AEBP1: variants seen among roughly 807,000 people sequenced by gnomAD.
The protein encoded by AEBP1 is AE binding protein 1.
In AEBP1, 69 loss-of-function variants were observed where a neutral mutation model predicts 116.5. The observed-to-expected ratio is 0.59, with a 90% CI of 0.49 to 0.72. AEBP1 has a LOEUF of 0.72. Ranked by LOEUF, AEBP1 falls within the 30% of genes least tolerant of loss-of-function variation. The pLI, the probability that AEBP1 is intolerant of heterozygous loss-of-function variation, is 0.00. For missense variants in AEBP1, 1,444 were observed against 1,557.5 expected (o/e 0.93, Z 1.23); for synonymous variants, 627 against 627.3 (o/e 1.00, Z 0.01).
Position 44,113,074 on chromosome 7 carries a change from G to C in AEBP1, c.2653G>C (p.Glu885Gln). ...CTGTGACAAGTTCCCTCATGAGAGT[G>C]AGCTGCCCCGCGAGTGGGAGAACAA... ...LGCDKFPHESELPREWENNKE... is the reference protein window; with the variant it reads ...LGCDKFPHESQLPREWENNKE... The change falls in exon 19 of 21, where the codon GAG (glutamate) becomes CAG (glutamine). Residue 885 changes from glutamate to glutamine, a missense_variant. Glu to Gln is a conservative substitution (Grantham distance 29, BLOSUM62 2). Transcript: ENST00000223357. The surrounding 1 kb of genome is among the most constrained non-coding windows in gnomAD (Gnocchi z 5.3). 1 of 1,614,086 alleles carries C rather than the reference G, an allele frequency of 6.2e-7. No homozygotes were observed. The highest frequency in any genetic ancestry group is 8.5e-7 in the Non-Finnish European group (1 of 1,180,004).
rs2096231089 is a variant in AEBP1, at chr7:44,112,772, T to C, written c.2432T>C (p.Ile811Thr). The C allele has an allele frequency of 6.2e-7, 1 of 1,612,972 alleles. No individual in the cohort carries two copies. Among genetic ancestry groups the C allele is most frequent in the East Asian group, 2.2e-5 (1 of 44,868 alleles). ...SEAQETPDHAIFRWLAISFAS... is the reference protein window; with the variant it reads ...SEAQETPDHATFRWLAISFAS... ...GCCCAGGAGACTCCAGACCACGCCATCTTCCGGTGGCTTGCCATCTCCTTC... is the reference window on the plus strand; with the variant it reads ...GCCCAGGAGACTCCAGACCACGCCACCTTCCGGTGGCTTGCCATCTCCTTC... Residue 811 changes from isoleucine to threonine, a missense_variant, in exon 18 of 21, where the codon ATC becomes ACC. Transcript: ENST00000223357. This position sits in a 1 kb window ranked among gnomAD's most constrained non-coding sequence, Gnocchi z 6.6.
In AEBP1 at chr7:44,112,889, A is replaced by T. The variant is rs1246310314; in HGVS notation, c.2549A>T (p.Lys850Met). 6.2e-7 allele frequency: 1 copy of T among 1,612,078 alleles called. No individual in the cohort carries two copies. The highest frequency in any genetic ancestry group is 1.3e-5 in the African/African-American group (1 of 74,898). The change falls in exon 18 of 21, where the codon AAG becomes ATG. Residue 850 changes from lysine (K) to methionine (M), a missense_variant. Transcript: ENST00000223357. The surrounding 1 kb of genome is among the most constrained non-coding windows in gnomAD (Gnocchi z 6.6). ...TGGMGIVNGA[K>M]WNPRTGTIND... is the part of the protein sequence containing the mutation. Reference sequence around the variant, plus strand: ...GGCATGGGCATCGTCAACGGGGCCAAGTGGAACCCCCGGACCGGGAGTGAG... The same window carrying T: ...GGCATGGGCATCGTCAACGGGGCCATGTGGAACCCCCGGACCGGGAGTGAG...
At position 44,111,211 on chromosome 7, in the gene AEBP1, G is replaced by A. The variant is rs1006189122; in HGVS notation, c.1688G>A (p.Arg563Gln). The change falls in exon 14 of 21, where the codon CGG becomes CAG. Residue 563 changes from arginine (R) to glutamine (Q), a missense_variant. Coordinates refer to ENST00000223357, the MANE Select transcript of AEBP1 (RefSeq NM_001129.5). The surrounding 1 kb of genome is among the most constrained non-coding windows in gnomAD (Gnocchi z 4.7). ...EVVATDDLDFRHHSYKDMRQL... is the reference protein window; with the variant it reads ...EVVATDDLDFQHHSYKDMRQL... ...GTGGCCACCGATGACCTGGATTTCC[G>A]GCACCACAGCTACAAGGACATGCGC... 28 of 1,515,568 alleles carry A rather than the reference G, an allele frequency of 1.8e-5. No individual in the cohort carries two copies. The highest frequency in any genetic ancestry group is 2.3e-5 in the East Asian group (1 of 43,816). The allele number at this position is 1,515,568 out of a possible 1,614,324, so 93.9% of individuals were successfully genotyped here. A position where few individuals can be genotyped will look rare whatever the true frequency, so the allele number is the denominator to read the frequency against.
rs1392622182 is a variant in AEBP1, at chr7:44,113,575, G to C, written c.2810-19G>C. 1 of 1,598,204 alleles carries C rather than the reference G, an allele frequency of 6.3e-7. No individual in the cohort carries two copies. Among genetic ancestry groups the C allele is most frequent in the South Asian group, 1.1e-5 (1 of 90,270 alleles). On this transcript the variant is annotated intron_variant, in intron 20 of 20. Transcript: ENST00000223357. The surrounding 1 kb of genome is among the most constrained non-coding windows in gnomAD (Gnocchi z 5.3). ...TGGGAGGGGCGCTCTGGGGCAGCCGGATCGTTCTCCCTCCGCAGCCAGTGG... is the reference window on the plus strand; with the variant it reads ...TGGGAGGGGCGCTCTGGGGCAGCCGCATCGTTCTCCCTCCGCAGCCAGTGG...
chr7:44,111,325 A>G lies in AEBP1; in HGVS notation c.1716+86A>G, dbSNP rs923682784. ...GCCTGGTGCTTCTGTCACTGGGCCC[A>G]GTCCCTACTGGTTCCAGGGATGCTG... On this transcript the variant is annotated intron_variant, in intron 14 of 20. Transcript: ENST00000223357. This position sits in a 1 kb window ranked among gnomAD's most constrained non-coding sequence, Gnocchi z 4.7. 14 of 1,423,198 alleles carry G rather than the reference A, an allele frequency of 9.8e-6. No homozygotes were observed. The Middle Eastern group carries it at 7.0e-4, about 71-fold the overall frequency. The allele number at this position is 1,423,198 out of a possible 1,614,324, so 88.2% of individuals were successfully genotyped here.
chr7:44,107,588 T>C lies in AEBP1; in HGVS notation c.668-41T>C, dbSNP rs1439425700. The C allele has an allele frequency of 2.5e-6, 4 of 1,613,416 alleles. No individual in the cohort carries two copies. The South Asian group carries it at 4.4e-5, about 18-fold the overall frequency. The stretch of plus-strand genomic sequence containing the variant: ...ACTGAGGGCTTCCCCAGAGTAGGCC[T>C]GGGTGGGGTTGTCAGGCAGCTACCA... On this transcript the variant is annotated intron_variant, in intron 3 of 20. Coordinates refer to ENST00000223357, the MANE Select transcript of AEBP1 (RefSeq NM_001129.5). The surrounding 1 kb of genome is among the most constrained non-coding windows in gnomAD (Gnocchi z 4.3).
chr7:44,113,713 C>A lies in AEBP1; in HGVS notation c.2929C>A (p.Gln977Lys), dbSNP rs1310778895. 6.2e-7 allele frequency: 1 copy of A among 1,614,102 alleles called. No homozygotes were observed. The highest frequency in any genetic ancestry group is 8.5e-7 in the Non-Finnish European group (1 of 1,179,986). The change falls in exon 21 of 21, where the codon CAG becomes AAG. Residue 977 changes from glutamine (Q) to lysine (K), a missense_variant. Physicochemically the swap from Gln to Lys is moderately conservative, Grantham distance 53. Coordinates refer to ENST00000223357, the MANE Select transcript of AEBP1 (RefSeq NM_001129.5). The surrounding 1 kb of genome is among the most constrained non-coding windows in gnomAD (Gnocchi z 5.3). Reference sequence around the variant, plus strand: ...TGTTGACTATGACATCGGGGCCACTCAGTGCAACTTCATCCTGGCTCGCTC... The same window carrying A: ...TGTTGACTATGACATCGGGGCCACTAAGTGCAACTTCATCCTGGCTCGCTC... ...CNVDYDIGAT[Q>K]CNFILARSNW...
intron 11 of AEBP1, 82 bp downstream of exon 11, chr7:44,110,428 G>C: frequency 6.3e-7 from 1 of 1,589,706 alleles, no homozygotes. Flanking sequence ...GGAGATTCCA[G>C]TGGGCCCTTC....
Position 44,110,260 on chromosome 7 carries a change from T to C in AEBP1, c.1314T>C (p.Asp438=), listed in dbSNP as rs770224339. Reference sequence around the variant, plus strand: ...ATGGTGCGTGGTGTGCCGAGGACGATGCCAGGACCCAGTGGATAGAGGTGG... The same window carrying C: ...ATGGTGCGTGGTGTGCCGAGGACGACGCCAGGACCCAGTGGATAGAGGTGG... ...YYDGAWCAED[D]ARTQWIEVDT... The change falls in exon 11 of 21, where the codon GAT becomes GAC. Residue 438 remains aspartate, a synonymous_variant. Transcript: ENST00000223357. The C allele has an allele frequency of 2.4e-5, 38 of 1,613,656 alleles. No individual in the cohort carries two copies. Among genetic ancestry groups the C allele is most frequent in the Admixed American group, 5.0e-5 (3 of 60,010 alleles).
rs1384643789 is a variant in AEBP1 at position 44,112,310 on chromosome 7, C to T, written c.2206C>T (p.Pro736Ser). The change falls in exon 17 of 21, where the codon CCA (proline) becomes TCA (serine). Residue 736 changes from proline to serine, a missense_variant. By Grantham distance (74) the Pro-to-Ser change is moderately conservative (BLOSUM62 -1). Transcript: ENST00000223357. The surrounding 1 kb of genome is among the most constrained non-coding windows in gnomAD (Gnocchi z 6.6). ...NLPIPERYLSPDATVSTEVRA... is the reference protein window; with the variant it reads ...NLPIPERYLSSDATVSTEVRA... The stretch of plus-strand genomic sequence containing the variant: ...GCCCATCCCTGAACGCTACCTTTCG[C>T]CAGATGCCACGGTGAGGCTACAGCC... 19 of 1,550,216 alleles carry T rather than the reference C, an allele frequency of 1.2e-5. No homozygotes were observed. Among genetic ancestry groups the T allele is most frequent in the Non-Finnish European group, 1.6e-5 (18 of 1,145,718 alleles).
chr7:44,105,305 T>G (rs1169606435), intron 1 of AEBP1, among the ~76,000 whole-genome samples: 1 of 152,168 alleles, frequency 6.6e-6, no homozygotes, highest in Non-Finnish European at 1.5e-5. Flanking sequence ...ACGTCGTCCC[T>G]CCCTCCTGCC....
In AEBP1 at chr7:44,104,675, G is replaced by T. The variant is rs2096221041; in HGVS notation, c.10G>T (p.Val4Leu). MAA[V>L]RGAPLLSCLL... ...CGCGCGTGCCGCGGCCATGGCGGCCGTGCGCGGGGCGCCCCTGCTCAGCTG... is the reference window on the plus strand; with the variant it reads ...CGCGCGTGCCGCGGCCATGGCGGCCTTGCGCGGGGCGCCCCTGCTCAGCTG... The change falls in exon 1 of 21, where the codon GTG becomes TTG. Residue 4 changes from valine (V) to leucine (L), a missense_variant. Transcript: ENST00000223357. The T allele has an allele frequency of 1.3e-6, 2 of 1,520,386 alleles. No individual in the cohort carries two copies. Among genetic ancestry groups the T allele is most frequent in the Non-Finnish European group, 1.8e-6 (2 of 1,137,672 alleles). The allele number at this position is 1,520,386 out of a possible 1,614,324, so 94.2% of individuals were successfully genotyped here.
chr7:44,113,207 C>T lies in AEBP1; in HGVS notation c.2710-45C>T. ...ATGGGCGGGAGGGAGCAGCGGACCA[C>T]ATTGGACCTTCCTGAGGACCAGCAG... On this transcript the variant is annotated intron_variant, in intron 19 of 20. Transcript: ENST00000223357. This position sits in a 1 kb window ranked among gnomAD's most constrained non-coding sequence, Gnocchi z 5.3. The T allele has an allele frequency of 6.2e-7, 1 of 1,613,398 alleles. No individual in the cohort carries two copies. Among genetic ancestry groups the T allele is most frequent in the Non-Finnish European group, 8.5e-7 (1 of 1,179,680 alleles).
rs746317181 is a variant in AEBP1 at position 44,104,714 on chromosome 7, C to T, written c.49C>T (p.Leu17=). 5 of 1,609,064 alleles carry T rather than the reference C, an allele frequency of 3.1e-6. No homozygotes were observed. The Admixed American group carries it at 8.4e-5, about 27-fold the overall frequency. Residue 17 remains leucine (L), a synonymous_variant, in exon 1 of 21, where the codon CTG becomes TTG. Coordinates refer to ENST00000223357, the MANE Select transcript of AEBP1 (RefSeq NM_001129.5). ...APLLSCLLAL[L]ALCPGGRPQT... ...CCTGCTCAGCTGCCTCCTGGCGTTG[C>T]TGGCCCTGTGCCCTGGAGGGCGCCC...
chr7:44,109,269 C>T lies in AEBP1; in HGVS notation c.1097-19C>T. On this transcript the variant is annotated intron_variant, in intron 8 of 20. Transcript: ENST00000223357. ...CCTCCCGGGCCCTTGGTGCCATGTC[C>T]TCCCTTCATTGTCCCTAGAGCCCCG... The T allele has an allele frequency of 6.2e-7, 1 of 1,611,342 alleles. No individual in the cohort carries two copies. The highest frequency in any genetic ancestry group is 8.5e-7 in the Non-Finnish European group (1 of 1,179,014).
Position 44,113,854 on chromosome 7 carries a change from C to T in AEBP1, c.3070C>T (p.Gln1024Ter). ...GCGACGCCTGCAGCAGCGACGCCTA[C>T]AACACCGCCTGCGGCTTCGGGCACA... ...QQRRLQQRRL[Q>*]HRLRLRAQMR... Residue 1024 changes from glutamine to a stop codon, truncating the protein, a stop_gained, in exon 21 of 21, where the codon CAA becomes TAA. Coordinates refer to ENST00000223357, the MANE Select transcript of AEBP1 (RefSeq NM_001129.5). LOFTEE classifies it low-confidence loss of function (END_TRUNC). This position sits in a 1 kb window ranked among gnomAD's most constrained non-coding sequence, Gnocchi z 5.3. 1.2e-6 allele frequency: 2 copies of T among 1,613,892 alleles called. No individual in the cohort carries two copies. The highest frequency in any genetic ancestry group is 1.7e-6 in the Non-Finnish European group (2 of 1,180,008).
At position 44,114,117 on chromosome 7, in the gene AEBP1, C is replaced by T; in HGVS notation, c.3333C>T (p.Thr1111=). 3.1e-6 allele frequency: 5 copies of T among 1,613,824 alleles called. No individual in the cohort carries two copies. The highest frequency in any genetic ancestry group is 4.2e-6 in the Non-Finnish European group (5 of 1,179,998). The change falls in exon 21 of 21, where the codon ACC becomes ACT. Residue 1111 remains threonine (T), a synonymous_variant. Coordinates refer to ENST00000223357, the MANE Select transcript of AEBP1 (RefSeq NM_001129.5). Reference sequence around the variant, plus strand: ...CCAAGGTGGAGCCCGAGTTTGAGACCCAGTTGGAGCCTGAGTTTGAGACCC... The same window carrying T: ...CCAAGGTGGAGCCCGAGTTTGAGACTCAGTTGGAGCCTGAGTTTGAGACCC... ...FGTKVEPEFE[T]QLEPEFETQL... is the part of the protein sequence containing the mutation.
In AEBP1 at chr7:44,106,754, A is replaced by T. The variant is rs886862831; in HGVS notation, c.462A>T (p.Lys154Asn). 1.9e-6 allele frequency: 3 copies of T among 1,610,114 alleles called. No individual in the cohort carries two copies. The highest frequency in any genetic ancestry group is 1.7e-5 in the Admixed American group (1 of 59,642). ...EKPPKATKKPKEKPPKATKKP... is the reference protein window; with the variant it reads ...EKPPKATKKPNEKPPKATKKP... Reference sequence around the variant, plus strand: ...CACCCAAGGCCACCAAGAAGCCCAAAGAGAAGCCACCCAAGGCCACCAAGA... The same window carrying T: ...CACCCAAGGCCACCAAGAAGCCCAATGAGAAGCCACCCAAGGCCACCAAGA... The change falls in exon 2 of 21, where the codon AAA becomes AAT. Residue 154 changes from lysine to asparagine, a missense_variant. Coordinates refer to ENST00000223357, the MANE Select transcript of AEBP1 (RefSeq NM_001129.5).
chr7:44,114,431 C>T lies in AEBP1; in HGVS notation c.*170C>T. On this transcript the variant is annotated 3_prime_UTR_variant, in exon 21 of 21. Coordinates refer to ENST00000223357, the MANE Select transcript of AEBP1 (RefSeq NM_001129.5). ...GAGGGGGTGCAAACATGACTGGGAC[C>T]TAAGAGCCAGAGGCTGTGTAGAGGC... The T allele has an allele frequency of 1.3e-6, 1 of 748,932 alleles. No individual in the cohort carries two copies. The highest frequency in any genetic ancestry group is 2.1e-6 in the Non-Finnish European group (1 of 469,422). 46.4% of individuals were successfully genotyped at this position (748,932 alleles called of 1,614,324 possible). A position where few individuals can be genotyped will look rare whatever the true frequency, so the allele number is the denominator to read the frequency against.
Sources: allele counts gnomAD v4.1 joint callset (sites outside exome capture counted in the v4.1 genomes callset), GRCh38; gene constraint gnomAD v4.1.1; non-coding constraint Gnocchi (gnomAD v3.1); transcripts MANE v1.5; gene names NCBI Gene and HGNC (gene_info 2026-07-23, HGNC 2026-07-21).